The following WDFY3 variants were observed in gnomAD, a reference collection of about 807,000 sequenced individuals.
WDFY3 encodes the protein WD repeat and FYVE domain-containing protein 3.
Under a neutral mutation model 409.6 loss-of-function variants are expected in WDFY3, and 66 were observed. The ratio of observed to expected loss-of-function variants is 0.16; its 90% CI spans 0.13 to 0.20. The LOEUF (loss-of-function observed/expected upper bound fraction) is 0.20, where lower values mean the gene tolerates loss of function less well. WDFY3 is among the 10% of genes least tolerant of loss of function. The pLI, the probability that WDFY3 is intolerant of heterozygous loss-of-function variation, is 1.00. For synonymous variants in WDFY3, 1,521 were observed against 1,537.1 expected, an observed-to-expected ratio of 0.99 and a Z score of 0.25; for missense variants, 3,031 against 4,298.1, an observed-to-expected ratio of 0.71 and a Z score of 8.24.
chr4:84,700,938 C>T (rs1244484498), intron 56 of WDFY3, among the ~76,000 whole-genome samples: 6 of 152,086 alleles, frequency 3.9e-5, no homozygotes, highest in East Asian at 1.9e-4. Context: ...GGGGAAACCC[C>T]GTCTCTACTA....
intron 12 of WDFY3, 140 bp from the exon 13 acceptor site, chr4:84,817,725 TTTAAA>T: frequency 1.2e-6 from 1 of 824,308 alleles, no homozygotes; most frequent in South Asian, 1.9e-5. Flanking sequence ...TATTTCACCT[TTTAAA>T]TTACAATACA....
At chr4:84,961,022 C>T (rs1774847152) in intron 1 of WDFY3, among the ~76,000 whole-genome samples, 1 of 152,036 alleles carries the variant, frequency 6.6e-6, no homozygotes, top group Non-Finnish European at 1.5e-5. Flanking sequence ...CGAGACCAGC[C>T]TGGCTAACAT....
intron 3 of WDFY3, among the ~76,000 whole-genome samples, chr4:84,878,576 C>T (rs915191984): frequency 3.9e-5 from 6 of 152,118 alleles, no homozygotes; most frequent in African/African-American, 1.4e-4. Context: ...ATTTATACAT[C>T]CAAATGAATT....
chr4:84,724,107 C>T (rs1735266761), intron 46 of WDFY3, among the ~76,000 whole-genome samples: 1 of 151,976 alleles, frequency 6.6e-6, no homozygotes, highest in Non-Finnish European at 1.5e-5. Flanking sequence ...TTCTCAATAC[C>T]TCCTGATGCT....
chr4:84,888,362 G>C (rs926117944), intron 3 of WDFY3, among the ~76,000 whole-genome samples: 6 of 152,046 alleles, frequency 3.9e-5, no homozygotes, highest in Admixed American at 3.9e-4. Flanking sequence ...CTATGATTGT[G>C]ACTATTAGCA....
chr4:84,871,270 A>T (rs1446640228), intron 3 of WDFY3, among the ~76,000 whole-genome samples: 1 of 152,200 alleles, frequency 6.6e-6, no homozygotes. Context: ...CAAAAAAGGA[A>T]CAAGGATAAA....
chr4:84,766,462 A>T, intron 30 of WDFY3, 90 bp from the exon 31 acceptor site: 1 of 1,298,836 alleles, frequency 7.7e-7, no homozygotes, highest in Non-Finnish European at 1.1e-6. Context: ...ACTGAAAAAT[A>T]TATCTTTTAG....
intron 44 of WDFY3, among the ~76,000 whole-genome samples, chr4:84,732,054 AGGC>A (rs1181242234): frequency 3.9e-5 from 6 of 152,236 alleles, no homozygotes; most frequent in Non-Finnish European, 8.8e-5. Flanking sequence ...TGCTAGTAAC[AGGC>A]TGCAAAAATA....
chr4:84,764,685 C>A (rs1410726285), intron 32 of WDFY3, among the ~76,000 whole-genome samples: 1 of 151,604 alleles, frequency 6.6e-6, no homozygotes, highest in Non-Finnish European at 1.5e-5. Context: ...CATGGTGAAA[C>A]CCCGTCTCTA....
chr4:84,793,040 A>C (rs1748786680), intron 21 of WDFY3, among the ~76,000 whole-genome samples: 1 of 152,218 alleles, frequency 6.6e-6, no homozygotes, highest in South Asian at 2.1e-4. Flanking sequence ...GGAAGGGAAG[A>C]TTTGAGAAAT....
intron 1 of WDFY3, among the ~76,000 whole-genome samples, chr4:84,941,854 A>G (rs914187580): frequency 6.6e-6 from 1 of 152,136 alleles, no homozygotes; most frequent in Non-Finnish European, 1.5e-5. Context: ...GAAATTCCAG[A>G]AACAGATACA....
chr4:84,788,525 A>C (rs1041542576), intron 22 of WDFY3, among the ~76,000 whole-genome samples: 1 of 152,238 alleles, frequency 6.6e-6, no homozygotes, highest in Non-Finnish European at 1.5e-5. Context: ...AGAATCTACA[A>C]ACCCATTTCA....
chr4:84,721,265 G>T, intron 47 of WDFY3, 144 bp downstream of exon 47: 1 of 1,060,178 alleles, frequency 9.4e-7, no homozygotes, highest in Non-Finnish European at 1.4e-6. Flanking sequence ...GAAAAGTAGA[G>T]TACTGAACCC....
chr4:84,709,413 T>C (rs1732520410), intron 51 of WDFY3, 66 bp from the exon 52 acceptor site: 6 of 1,469,238 alleles, frequency 4.1e-6, no homozygotes, highest in Non-Finnish European at 4.6e-6. Flanking sequence ...AATTATAAAG[T>C]TGAAAAATTT....
At chr4:84,919,329 T>C (rs540091989) in intron 2 of WDFY3, among the ~76,000 whole-genome samples, 22 of 152,224 alleles carry the variant, frequency 1.4e-4, no homozygotes, top group Admixed American at 2.6e-4. Flanking sequence ...GAGTAAATCA[T>C]TATTTTGCAA....
intron 27 of WDFY3, among the ~76,000 whole-genome samples, chr4:84,775,866 CA>C (rs1190044112): frequency 6.6e-6 from 1 of 151,524 alleles, no homozygotes; most frequent in Non-Finnish European, 1.5e-5. Context: ...CTATTCCATG[CA>C]AAAATGTCCT....
intron 52 of WDFY3, 90 bp downstream of exon 52, chr4:84,709,203 T>C (rs1732489313): frequency 7.0e-7 from 1 of 1,420,030 alleles, no homozygotes; most frequent in Non-Finnish European, 9.6e-7. Flanking sequence ...CTATGGTATA[T>C]ATTTTATGGA....
chr4:84,744,635 C>T (rs1360120263), intron 36 of WDFY3, among the ~76,000 whole-genome samples: 2 of 151,506 alleles, frequency 1.3e-5, no homozygotes, highest in African/African-American at 4.8e-5. Flanking sequence ...GGGCGGATCA[C>T]GAGGTCAGGA....
chr4:84,815,995 G>A (rs979079104), intron 13 of WDFY3, among the ~76,000 whole-genome samples: 1 of 151,940 alleles, frequency 6.6e-6, no homozygotes, highest in Non-Finnish European at 1.5e-5. Flanking sequence ...TTGACTATAA[G>A]TAAGAGTTTT....
Sources: gnomAD v4.1 joint callset for allele counts (sites outside exome capture counted in the v4.1 genomes callset) on GRCh38, gnomAD v4.1.1 for gene constraint, MANE v1.5 for transcripts, NCBI Gene and HGNC (gene_info 2026-07-23, HGNC 2026-07-21) for gene names.